The following SHLD2 variants were observed in gnomAD, a reference collection of about 807,000 sequenced individuals.
SHLD2 encodes the protein RINN1-REV7-interacting novel NHEJ regulator 2.
A neutral mutation model predicts 73.2 loss-of-function variants in SHLD2; 30 were observed. The observed-to-expected ratio is 0.41, with a 90% CI of 0.31 to 0.56. The LOEUF is 0.56. Ranked by LOEUF, SHLD2 falls within the 20% of genes least tolerant of loss-of-function variation. The probability of loss-of-function intolerance (pLI) is 0.28; values close to 1 mark genes in which losing one functional copy is unlikely to be tolerated. For missense variants in SHLD2, 745 were observed against 1,055.9 expected, an observed-to-expected ratio of 0.71 and a Z score of 4.08; for synonymous variants, 285 against 370.1, an observed-to-expected ratio of 0.77 and a Z score of 2.64.
intron 2 of SHLD2, among the ~76,000 whole-genome samples, chr10:87,100,017 C>T (rs1280355406): frequency 6.6e-6 from 1 of 151,886 alleles, no homozygotes; most frequent in Non-Finnish European, 1.5e-5. Context: ...ATGTAAGTTC[C>T]TTACCAGATT....
intron 4 of SHLD2, among the ~76,000 whole-genome samples, chr10:87,163,027 T>C (rs768588184): frequency 1.4e-4 from 21 of 152,098 alleles, no homozygotes; most frequent in Non-Finnish European, 2.4e-4. Flanking sequence ...TATCACAAGG[T>C]TATTCATTGC....
chr10:87,190,434 C>A (rs1168223244), intron 9 of SHLD2, 50 bp from the exon 10 acceptor site: 2 of 1,440,610 alleles, frequency 1.4e-6, no homozygotes, highest in Admixed American at 3.3e-5. Context: ...GTGTGTGCTC[C>A]TGTCAAGCTA....
In SHLD2 at chr10:87,135,951, T is replaced by G. The variant is rs566027920; in HGVS notation, c.-5-15399T>G. ...TTTCTCCTCTGTTTACATACTGTAC[T>G]CTTTGGAAGGAAGTTACATATGCGC... On this transcript the variant is annotated intron_variant, in intron 2 of 9. Transcript: ENST00000298786. Among the ~76,000 whole-genome samples, 334 of 152,076 alleles carry G rather than the reference T, an allele frequency of 2.2e-3. 1 individual carries two copies. Among genetic ancestry groups the G allele is most frequent in the African/African-American group, 7.7e-3 (318 of 41,458 alleles).
At chr10:87,133,049 A>G (rs1178306864) in intron 2 of SHLD2, among the ~76,000 whole-genome samples, 1 of 152,228 alleles carries the variant, frequency 6.6e-6, no homozygotes, top group Non-Finnish European at 1.5e-5. Flanking sequence ...AAGGTCACAT[A>G]GTTGGCAAAT....
chr10:87,170,436 T>C (rs1394484846), intron 4 of SHLD2, 42 bp from the exon 5 acceptor site: 1 of 1,289,956 alleles, frequency 7.8e-7, no homozygotes, highest in Non-Finnish European at 1.1e-6. Flanking sequence ...AAAAATATAA[T>C]GTTGCCATCT....
intron 2 of SHLD2, among the ~76,000 whole-genome samples, chr10:87,098,622 A>C (rs752156641): frequency 2.0e-5 from 3 of 152,170 alleles, no homozygotes; most frequent in Non-Finnish European, 4.4e-5. Context: ...TCTGACTCCA[A>C]AGTTATACTA....
Position 87,151,658 on chromosome 10 carries a change from ATAGAAT to A in SHLD2, c.305_310del (p.Ile102_Ser104delinsThr). On this transcript the variant is annotated inframe_deletion, in exon 3 of 10. Coordinates refer to ENST00000298786, the MANE Select transcript of SHLD2 (RefSeq NM_001330112.2). ...ACGTTCTGTTTCTGAAACACAGAATATAGAATCCCAGAAGATTCACTCCTCTAGACT... is the reference window on the plus strand; with the variant it reads ...ACGTTCTGTTTCTGAAACACAGAATACCCAGAAGATTCACTCCTCTAGACT... The A allele has an allele frequency of 6.2e-7, 1 of 1,611,858 alleles. No homozygotes were observed. Among genetic ancestry groups the A allele is most frequent in the Non-Finnish European group, 8.5e-7 (1 of 1,179,700 alleles).
Position 87,152,114 on chromosome 10 carries a change from T to C in SHLD2, c.760T>C (p.Leu254=), listed in dbSNP as rs778578362. 80 of 1,611,820 alleles carry C rather than the reference T, an allele frequency of 5.0e-5. 1 individual carries two copies. In the East Asian group the frequency reaches 1.8e-3, roughly 36 times the overall value. ...SIITSSQVAF[L]AQKKDKRRSP... is the part of the protein sequence containing the mutation. ...AATTACCTCCAGCCAGGTTGCTTTT[T>C]TAGCTCAAAAGAAAGATAAAAGGCG... is the stretch of plus-strand genomic sequence containing the variant. The change falls in exon 3 of 10, where the codon TTA becomes CTA. Residue 254 remains leucine, a synonymous_variant. Coordinates refer to ENST00000298786, the MANE Select transcript of SHLD2 (RefSeq NM_001330112.2).
intron 2 of SHLD2, among the ~76,000 whole-genome samples, chr10:87,103,785 G>GCA (rs1282498198): frequency 1.3e-5 from 2 of 152,084 alleles, no homozygotes; most frequent in Non-Finnish European, 2.9e-5. Flanking sequence ...GGCTGGTTTG[G>GCA]GTAAGTCTTC....
At chr10:87,125,055 A>G (rs1218324075) in intron 2 of SHLD2, among the ~76,000 whole-genome samples, 1 of 152,314 alleles carries the variant, frequency 6.6e-6, no homozygotes, top group East Asian at 1.9e-4. Flanking sequence ...TGAAGTCATT[A>G]CAAAGAAATT....
chr10:87,191,082 C>G lies in SHLD2; in HGVS notation c.*399C>G, dbSNP rs1017276195. The G allele has an allele frequency of 5.3e-5, 11 of 208,834 alleles. No homozygotes were observed. The highest frequency in any genetic ancestry group is 1.6e-4 in the Admixed American group (3 of 19,006). 12.9% of individuals were successfully genotyped at this position (208,834 alleles called of 1,614,324 possible). A position where few individuals can be genotyped will look rare whatever the true frequency, so the allele number is the denominator to read the frequency against. ...TTTCGCTTATCCCTACCTAAAAAACCGTCAATGTGAAATCATTTCCTTGAT... is the reference window on the plus strand; with the variant it reads ...TTTCGCTTATCCCTACCTAAAAAACGGTCAATGTGAAATCATTTCCTTGAT... On this transcript the variant is annotated 3_prime_UTR_variant, in exon 10 of 10. Coordinates refer to ENST00000298786, the MANE Select transcript of SHLD2 (RefSeq NM_001330112.2).
intron 3 of SHLD2, among the ~76,000 whole-genome samples, chr10:87,156,076 T>C (rs1401429977): frequency 1.3e-5 from 2 of 150,896 alleles, no homozygotes; most frequent in Non-Finnish European, 3.0e-5. Context: ...CCTTTTTTTT[T>C]TTTTTTTTGA....
chr10:87,110,262 C>T (rs1200761746), intron 2 of SHLD2, among the ~76,000 whole-genome samples: 2 of 151,890 alleles, frequency 1.3e-5, no homozygotes, highest in Non-Finnish European at 2.9e-5. Context: ...GCACTCCAGC[C>T]TGGGCAACAA....
At chr10:87,180,880 T>C (rs530383509) in intron 8 of SHLD2, among the ~76,000 whole-genome samples, 1 of 152,348 alleles carries the variant, frequency 6.6e-6, no homozygotes, top group South Asian at 2.1e-4. Context: ...TGTTTTATGC[T>C]CCTTATGATT....
chr10:87,103,619 G>T (rs1441517394), intron 2 of SHLD2, among the ~76,000 whole-genome samples: 1 of 152,184 alleles, frequency 6.6e-6, no homozygotes, highest in Non-Finnish European at 1.5e-5. Context: ...TTTCAGAGAA[G>T]TTGTAATTTT....
intron 2 of SHLD2, among the ~76,000 whole-genome samples, chr10:87,107,612 CTG>C (rs1239024680): frequency 6.6e-6 from 1 of 152,134 alleles, no homozygotes; most frequent in Non-Finnish European, 1.5e-5. Flanking sequence ...TGTGGAAAAA[CTG>C]TGATACAGAA....
rs564629390 is a variant in SHLD2 at position 87,100,932 on chromosome 10, T to G, written c.-6+3943T>G. Among the ~76,000 whole-genome samples the G allele has an allele frequency of 4.6e-5, 7 of 152,348 alleles. No individual in the cohort carries two copies. In the East Asian group the frequency reaches 1.3e-3, roughly 29 times the overall value. ...GCTGGAATTTTGATAGGGATTATGT[T>G]GAATCTGTAGATCAATTTGGGAATT... On this transcript the variant is annotated intron_variant, in intron 2 of 9. Transcript: ENST00000298786.
chr10:87,135,263 A>G (rs887924629), intron 2 of SHLD2, among the ~76,000 whole-genome samples: 2 of 151,702 alleles, frequency 1.3e-5, no homozygotes, highest in Non-Finnish European at 2.9e-5. Flanking sequence ...TTATTTACCT[A>G]ATGTTTTGGG....
At chr10:87,137,371 GAAAGA>G (rs918399595) in intron 2 of SHLD2, among the ~76,000 whole-genome samples, 12 of 151,560 alleles carry the variant, frequency 7.9e-5, no homozygotes, top group Admixed American at 1.3e-4. Context: ...ACAAAAAAAG[GAAAGA>G]AAAGAAAAGG....
Sources: gnomAD v4.1 joint callset for allele counts (sites outside exome capture counted in the v4.1 genomes callset) on GRCh38, gnomAD v4.1.1 for gene constraint, MANE v1.5 for transcripts, NCBI Gene and HGNC (gene_info 2026-07-23, HGNC 2026-07-21) for gene names.